The following LRRC4C variants were observed in gnomAD, a reference collection of about 807,000 sequenced individuals.
LRRC4C encodes the protein leucine-rich repeat-containing protein 4C.
In LRRC4C, 5 loss-of-function variants were observed where a neutral mutation model predicts 33.6. That is an observed-to-expected ratio of 0.15 (90% CI 0.08 to 0.31). LRRC4C has a LOEUF of 0.31. LRRC4C is among the 10% of genes least tolerant of loss of function. LRRC4C has a pLI of 1.00. For synonymous variants in LRRC4C, 329 were observed against 302.0 expected (o/e 1.09, Z -0.93); for missense variants, 560 against 796.7 (o/e 0.70, Z 3.58).
intron 2 of LRRC4C, among the ~76,000 whole-genome samples, chr11:40,924,670 A>G (rs1488742148): frequency 6.6e-6 from 1 of 152,182 alleles, no homozygotes; most frequent in African/African-American, 2.4e-5. Flanking sequence ...CAAAGAAATG[A>G]TAAATATTTA....
chr11:40,500,112 A>G (rs1218875728), intron 3 of LRRC4C, among the ~76,000 whole-genome samples: 3 of 152,022 alleles, frequency 2.0e-5, no homozygotes. Context: ...GGATTCTGGA[A>G]TCAAAGAAAA....
chr11:40,651,832 A>G (rs1395348193), intron 2 of LRRC4C, among the ~76,000 whole-genome samples: 1 of 152,098 alleles, frequency 6.6e-6, no homozygotes, highest in East Asian at 1.9e-4. Context: ...GCTTGCATTT[A>G]TGTATCCATT....
At chr11:40,616,013 AAG>A (rs1961779297) in intron 3 of LRRC4C, among the ~76,000 whole-genome samples, 1 of 151,818 alleles carries the variant, frequency 6.6e-6, no homozygotes. Flanking sequence ...AATATAAAGA[AAG>A]AGAATATCAG....
intron 1 of LRRC4C, among the ~76,000 whole-genome samples, chr11:41,160,770 G>T (rs779945957): frequency 3.7e-4 from 56 of 152,272 alleles, no homozygotes; most frequent in Non-Finnish European, 6.8e-4. Flanking sequence ...TGTACAATTT[G>T]CTTAGTGCTA....
intron 1 of LRRC4C, among the ~76,000 whole-genome samples, chr11:41,040,809 C>T (rs1857385122): frequency 6.6e-6 from 1 of 152,174 alleles, no homozygotes. Context: ...AAATATACAA[C>T]CACCTTCTTT....
chr11:40,975,304 T>C (rs1852007028), intron 1 of LRRC4C, among the ~76,000 whole-genome samples: 1 of 152,222 alleles, frequency 6.6e-6, no homozygotes, highest in East Asian at 1.9e-4. Context: ...ATCTTCCTTC[T>C]GAGTGAATTC....
At chr11:40,714,238 T>C (rs189684321) in intron 2 of LRRC4C, among the ~76,000 whole-genome samples, 191 of 152,188 alleles carry the variant, frequency 1.3e-3, no homozygotes, top group Non-Finnish European at 2.2e-3. Flanking sequence ...AGAACCACCA[T>C]GTCATTTCAA....
chr11:41,391,500 C>T (rs1290885306), intron 1 of LRRC4C, among the ~76,000 whole-genome samples: 1 of 151,874 alleles, frequency 6.6e-6, no homozygotes, highest in African/African-American at 2.4e-5. Flanking sequence ...ATGTATTGAG[C>T]ATTCATGTGC....
intron 1 of LRRC4C, among the ~76,000 whole-genome samples, chr11:41,052,567 A>C (rs1319945699): frequency 6.6e-6 from 1 of 151,912 alleles, no homozygotes; most frequent in Non-Finnish European, 1.5e-5. Context: ...AAATCTAGTT[A>C]ATTTCTTTAG....
chr11:40,936,336 G>GT (rs34468606), intron 1 of LRRC4C, among the ~76,000 whole-genome samples: 2,629 of 112,688 alleles, frequency 0.023, 96 homozygotes, highest in African/African-American at 0.037. Flanking sequence ...TCTAACACTT[G>GT]TTTTTTTTTT....
chr11:40,206,531 C>G (rs1025824717), intron 5 of LRRC4C, among the ~76,000 whole-genome samples: 20 of 152,252 alleles, frequency 1.3e-4, no homozygotes, highest in African/African-American at 4.8e-4. Context: ...AGTGAGCCAC[C>G]GCACCTGGCC....
intron 1 of LRRC4C, among the ~76,000 whole-genome samples, chr11:40,950,796 A>G (rs1399560896): frequency 5.3e-5 from 8 of 152,004 alleles, no homozygotes; most frequent in Admixed American, 6.6e-5. Context: ...GTTTTTCTCT[A>G]GACACATTTA....
chr11:40,194,855 G>A (rs779479729), intron 5 of LRRC4C, among the ~76,000 whole-genome samples: 17 of 152,104 alleles, frequency 1.1e-4, no homozygotes, highest in Non-Finnish European at 2.1e-4. Context: ...TTGGGAGGCC[G>A]AGGTGGGCGG....
chr11:41,047,119 A>C (rs148758702), intron 1 of LRRC4C, among the ~76,000 whole-genome samples: 2 of 152,252 alleles, frequency 1.3e-5, no homozygotes, highest in East Asian at 3.9e-4. Context: ...CATATCTCTA[A>C]TAAGGATCTT....
chr11:40,356,893 C>T (rs2137129809), intron 3 of LRRC4C, among the ~76,000 whole-genome samples: 1 of 151,980 alleles, frequency 6.6e-6, no homozygotes, highest in East Asian at 1.9e-4. Context: ...ACATTTACAC[C>T]AACCATTAGA....
rs141819127 is a variant in LRRC4C, at chr11:40,581,191, G to A, written c.-270+66951C>T. ...TACACTAACAGAAAATTGCCCCATCGAATGTCAACATGTTCAACTATAGAA... is the reference window on the plus strand; with the variant it reads ...TACACTAACAGAAAATTGCCCCATCAAATGTCAACATGTTCAACTATAGAA... On this transcript the variant is annotated intron_variant, in intron 3 of 6. Coordinates refer to ENST00000528697, the MANE Select transcript of LRRC4C (RefSeq NM_001258419.2). Among the ~76,000 whole-genome samples the A allele has an allele frequency of 5.0e-3, 760 of 152,230 alleles. 5 individuals carry two copies. The highest frequency in any genetic ancestry group is 0.017 in the African/African-American group (689 of 41,542).
At chr11:40,240,232 A>G (rs1865841351) in intron 5 of LRRC4C, among the ~76,000 whole-genome samples, 1 of 152,182 alleles carries the variant, frequency 6.6e-6, no homozygotes, top group Admixed American at 6.5e-5. Flanking sequence ...AAGAAAAAAG[A>G]TTTCTCCAGT....
At chr11:41,205,948 A>G (rs1190294646) in intron 1 of LRRC4C, among the ~76,000 whole-genome samples, 1 of 150,854 alleles carries the variant, frequency 6.6e-6, no homozygotes, top group Non-Finnish European at 1.5e-5. Flanking sequence ...GCTTTTTAAG[A>G]AAAAAACTCC....
intron 3 of LRRC4C, among the ~76,000 whole-genome samples, chr11:40,642,072 C>T (rs1942157342): frequency 1.4e-5 from 2 of 147,270 alleles, no homozygotes; most frequent in Non-Finnish European, 1.5e-5. Context: ...GCTTGTGTGT[C>T]ATGGGTGGGT....
Sources: gnomAD v4.1 joint callset for allele counts (sites outside exome capture counted in the v4.1 genomes callset) on GRCh38, gnomAD v4.1.1 for gene constraint, MANE v1.5 for transcripts, NCBI Gene and HGNC (gene_info 2026-07-23, HGNC 2026-07-21) for gene names.